The following KATNB1 variants were observed in gnomAD, a reference collection of about 807,000 sequenced individuals.
The protein encoded by KATNB1 is katanin regulatory subunit B1.
Under a neutral mutation model 82.3 loss-of-function variants are expected in KATNB1, and 38 were observed. The observed-to-expected ratio is 0.46, with a 90% CI of 0.36 to 0.61. The LOEUF (loss-of-function observed/expected upper bound fraction) is 0.61. Among genes scored for constraint, KATNB1 ranks in the 20% least tolerant of loss-of-function variants. The pLI is 0.00. For synonymous variants in KATNB1, 361 were observed against 368.7 expected (o/e 0.98, Z 0.24); for missense variants, 749 against 915.7 (o/e 0.82, Z 2.35).
At chr16:57,748,345 T>G (rs1323055111) in intron 4 of KATNB1, among the ~76,000 whole-genome samples, 14 of 151,998 alleles carry the variant, frequency 9.2e-5, no homozygotes, top group Admixed American at 9.2e-4. Flanking sequence ...AGAGCTGCTC[T>G]GCGGGCATGG....
In KATNB1 at chr16:57,741,697, C is replaced by T. The variant is rs782077364; in HGVS notation, c.51C>T (p.Val17=). 2.2e-5 allele frequency: 36 copies of T among 1,613,638 alleles called. No individual in the cohort carries two copies. The South Asian group carries it at 2.9e-4, about 13-fold the overall frequency. ...TKTAWKLQEI[V]AHASNVSSLV... is the part of the protein sequence containing the mutation. Reference sequence around the variant, plus strand: ...TCCTTCCCTGTGTAGAAGAGATCGTCGCGCATGCCAGCAACGTGTCCTCAC... The same window carrying T: ...TCCTTCCCTGTGTAGAAGAGATCGTTGCGCATGCCAGCAACGTGTCCTCAC... The change falls in exon 3 of 20, where the codon GTC becomes GTT. Residue 17 remains valine, a synonymous_variant. Transcript: ENST00000379661.
Position 57,754,911 on chromosome 16 carries a change from CTT to C in KATNB1, c.1229-16_1229-15del. 1 of 1,613,882 alleles carries C rather than the reference CTT, an allele frequency of 6.2e-7. No individual in the cohort carries two copies. The highest frequency in any genetic ancestry group is 8.5e-7 in the Non-Finnish European group (1 of 1,179,980). ...GGCCCTTCTGGCCGGACCCAGTCAT[CTT>C]TTCCTTTTGCCTCCAGACGCAGCCA... is the stretch of plus-strand genomic sequence containing the variant. On this transcript the variant is annotated splice_polypyrimidine_tract_variant and intron_variant, in intron 13 of 19. Coordinates refer to ENST00000379661, the MANE Select transcript of KATNB1 (RefSeq NM_005886.3).
In KATNB1 at chr16:57,756,023, G is replaced by A. The variant is rs781845628; in HGVS notation, c.1675G>A (p.Val559Ile). 24 of 1,611,950 alleles carry A rather than the reference G, an allele frequency of 1.5e-5. No individual in the cohort carries two copies. The highest frequency in any genetic ancestry group is 1.0e-4 in the Admixed American group (6 of 60,006). ...SLWKLDLCTT[V>I]LPQIEKLLQS... Reference sequence around the variant, plus strand: ...GTGGAAGCTGGACCTGTGCACCACCGTCCTGCCACAGATTGAGAAGCTTCT... The same window carrying A: ...GTGGAAGCTGGACCTGTGCACCACCATCCTGCCACAGATTGAGAAGCTTCT... The change falls in exon 18 of 20, where the codon GTC becomes ATC. Residue 559 changes from valine (V) to isoleucine (I), a missense_variant. By Grantham distance (29) the Val-to-Ile change is conservative (BLOSUM62 3). This residue lies in a region of KATNB1 where 95 missense variants were observed against 131.6 expected (regional missense o/e 0.72). Transcript: ENST00000379661.
Position 57,737,235 on chromosome 16 carries a change from A to G in KATNB1, c.-9A>G. 6.2e-7 allele frequency: 1 copy of G among 1,614,214 alleles called. No homozygotes were observed. The highest frequency in any genetic ancestry group is 8.5e-7 in the Non-Finnish European group (1 of 1,180,046). On this transcript the variant is annotated 5_prime_UTR_variant, in exon 2 of 20. Transcript: ENST00000379661. The stretch of plus-strand genomic sequence containing the variant: ...GTGGGTGGGGCTTCAGGTGCCAGCC[A>G]GCTGAAGGATGGCCACCCCTGTGGT...
intron 2 of KATNB1, among the ~76,000 whole-genome samples, chr16:57,740,684 C>G (rs2049135596): frequency 6.6e-6 from 1 of 152,218 alleles, no homozygotes; most frequent in South Asian, 2.1e-4. Context: ...CCTGCCTGTG[C>G]TTTGCTCCCT....
chr16:57,746,849 G>A (rs893836557), intron 4 of KATNB1, among the ~76,000 whole-genome samples: 2 of 152,194 alleles, frequency 1.3e-5, no homozygotes, highest in African/African-American at 4.8e-5. Context: ...CCAGCACTGT[G>A]AGGTCCAAAT....
chr16:57,740,898 C>T (rs1555579224), intron 2 of KATNB1, among the ~76,000 whole-genome samples: 1 of 152,194 alleles, frequency 6.6e-6, no homozygotes, highest in Non-Finnish European at 1.5e-5. Context: ...TGACTAGCCC[C>T]GAGCCTGCCC....
At chr16:57,742,727 G>C (rs144161586) in intron 3 of KATNB1, among the ~76,000 whole-genome samples, 1 of 152,378 alleles carries the variant, frequency 6.6e-6, no homozygotes, top group African/African-American at 2.4e-5. Flanking sequence ...TATCAGCAGA[G>C]AGGTTGTTTC....
chr16:57,755,655 T>C (rs1423074900), intron 16 of KATNB1, 161 bp downstream of exon 16: 5 of 1,056,818 alleles, frequency 4.7e-6, no homozygotes, highest in East Asian at 5.2e-5. Flanking sequence ...ATCATCATCA[T>C]CACAGACTGC....
intron 4 of KATNB1, among the ~76,000 whole-genome samples, chr16:57,749,041 T>C (rs1555582329): frequency 6.6e-6 from 1 of 152,184 alleles, no homozygotes; most frequent in Admixed American, 6.5e-5. Flanking sequence ...GCAGGTGAAT[T>C]GGATATGCAT....
Position 57,737,155 on chromosome 16 carries a change from G to T in KATNB1, c.-89G>T. 2 of 1,502,912 alleles carry T rather than the reference G, an allele frequency of 1.3e-6. No individual in the cohort carries two copies. Among genetic ancestry groups the T allele is most frequent in the Non-Finnish European group, 1.8e-6 (2 of 1,088,512 alleles). The allele number at this position is 1,502,912 out of a possible 1,614,324, so 93.1% of individuals were successfully genotyped here. On this transcript the variant is annotated 5_prime_UTR_variant, in exon 2 of 20. Transcript: ENST00000379661. The stretch of plus-strand genomic sequence containing the variant: ...GTGGGAACTCTCTGCCAACTTGATT[G>T]GTGGATCTGGGGGGGGATCCACCCC...
chr16:57,755,618 G>A (rs1285900351), intron 16 of KATNB1, 124 bp downstream of exon 16: 9 of 1,270,654 alleles, frequency 7.1e-6, no homozygotes, highest in Non-Finnish European at 9.8e-6. Context: ...GGCCATCCCT[G>A]ACGTCACACC....
intron 4 of KATNB1, among the ~76,000 whole-genome samples, chr16:57,746,527 G>T (rs1030973891): frequency 6.6e-6 from 1 of 152,186 alleles, no homozygotes; most frequent in South Asian, 2.1e-4. Flanking sequence ...TGGGCTGAGC[G>T]GAGAGTCTCG....
intron 3 of KATNB1, among the ~76,000 whole-genome samples, chr16:57,743,480 T>G (rs1555580325): frequency 6.6e-6 from 1 of 152,216 alleles, no homozygotes; most frequent in Non-Finnish European, 1.5e-5. Context: ...ATGTGTTTTC[T>G]ACCCCCATGA....
Position 57,756,794 on chromosome 16 carries a change from A to G in KATNB1, c.1836-20A>G, listed in dbSNP as rs372753383. 2.0e-6 allele frequency: 3 copies of G among 1,525,864 alleles called. No individual in the cohort carries two copies. The highest frequency in any genetic ancestry group is 3.6e-4 in the Middle Eastern group (2 of 5,620). The allele number at this position is 1,525,864 out of a possible 1,614,324, so 94.5% of individuals were successfully genotyped here. ...TGGTGGTGGTGCCAGCTAGCCCCTCAGGCACTGCCCTCTCTACAGGCTGCA... is the reference window on the plus strand; with the variant it reads ...TGGTGGTGGTGCCAGCTAGCCCCTCGGGCACTGCCCTCTCTACAGGCTGCA... On this transcript the variant is annotated intron_variant, in intron 19 of 19. Coordinates refer to ENST00000379661, the MANE Select transcript of KATNB1 (RefSeq NM_005886.3).
At chr16:57,740,247 C>T (rs1221897125) in intron 2 of KATNB1, among the ~76,000 whole-genome samples, 4 of 152,202 alleles carry the variant, frequency 2.6e-5, no homozygotes, top group Non-Finnish European at 4.4e-5. Context: ...AGGGAACCCT[C>T]GCCCTTGCTG....
chr16:57,755,401 C>A lies in KATNB1; in HGVS notation c.1473C>A (p.Ile491=), dbSNP rs1458658241. Residue 491 remains isoleucine, a synonymous_variant, in exon 16 of 20, where the codon ATC becomes ATA. Transcript: ENST00000379661. ...ELVDEDAMSQ[I]RKGHDTMCVV... The stretch of plus-strand genomic sequence containing the variant: ...TGGACGAGGATGCCATGTCACAGAT[C>A]CGCAAAGGCCACGACACCATGTGTG... 6 of 1,613,326 alleles carry A rather than the reference C, an allele frequency of 3.7e-6. No individual in the cohort carries two copies. The highest frequency in any genetic ancestry group is 1.6e-4 in the Middle Eastern group (1 of 6,062).
chr16:57,756,607 T>G, intron 19 of KATNB1, 135 bp downstream of exon 19: 1 of 1,173,488 alleles, frequency 8.5e-7, no homozygotes, highest in Non-Finnish European at 1.2e-6. Flanking sequence ...GGGCCATGGC[T>G]CAGGGTGTGG....
At chr16:57,754,153 A>G (rs752217535) in intron 13 of KATNB1, among the ~76,000 whole-genome samples, 158 bp downstream of exon 13, 75 of 151,984 alleles carry the variant, frequency 4.9e-4, no homozygotes, top group Non-Finnish European at 9.9e-4. Context: ...TCTGCCTGTT[A>G]TGTGCCAGGT....
Sources: gnomAD v4.1 joint callset for allele counts (sites outside exome capture counted in the v4.1 genomes callset) on GRCh38, gnomAD v4.1.1 for gene constraint, gnomAD v4.1.1 regional missense constraint, MANE v1.5 for transcripts, NCBI Gene and HGNC (gene_info 2026-07-23, HGNC 2026-07-21) for gene names.